Variants in PTCSC3 observed in about 807,000 individuals in gnomAD.
PTCSC3 encodes papillary thyroid carcinoma susceptibility candidate 3.
intron 3 of PTCSC3, among the ~76,000 whole-genome samples, chr14:36,148,745 A>G (rs1302114907): frequency 1.3e-5 from 2 of 152,112 alleles, no homozygotes; most frequent in Non-Finnish European, 2.9e-5. Context: ...TTCTCCTTGT[A>G]TGAGTTTTTA....
intron 2 of PTCSC3, among the ~76,000 whole-genome samples, chr14:36,156,755 A>G (rs1881837137): frequency 6.6e-6 from 1 of 151,950 alleles, no homozygotes; most frequent in African/African-American, 2.4e-5. Flanking sequence ...ATCCCTTTTT[A>G]TGGCTGCATA....
At chr14:36,149,708 A>C (rs1026517392) in intron 3 of PTCSC3, among the ~76,000 whole-genome samples, 1 of 151,740 alleles carries the variant, frequency 6.6e-6, no homozygotes, top group Non-Finnish European at 1.5e-5. Context: ...AATATATAAC[A>C]CTCTTCTTTA....
intron 1 of PTCSC3, among the ~76,000 whole-genome samples, chr14:36,175,126 A>G (rs1882260264): frequency 1.3e-5 from 2 of 152,002 alleles, no homozygotes; most frequent in Non-Finnish European, 2.9e-5. Flanking sequence ...CATAGTTTCT[A>G]CTTGCTTCAG....
chr14:36,166,801 A>C (rs1218645231), intron 1 of PTCSC3, among the ~76,000 whole-genome samples: 1 of 152,172 alleles, frequency 6.6e-6, no homozygotes, highest in East Asian at 1.9e-4. Flanking sequence ...TTTCTTTCTA[A>C]ATTTTTGCTC....
chr14:36,139,090 G>A (rs1414876874), intron 3 of PTCSC3, among the ~76,000 whole-genome samples: 3 of 147,624 alleles, frequency 2.0e-5, no homozygotes, highest in Non-Finnish European at 3.0e-5. Context: ...CTGCAGCCTG[G>A]GCGACAGAGC....
intron 1 of PTCSC3, among the ~76,000 whole-genome samples, chr14:36,169,683 C>T (rs373977615): frequency 1.8e-4 from 27 of 152,058 alleles, no homozygotes; most frequent in African/African-American, 6.5e-4. Flanking sequence ...CTTTGTCCTC[C>T]CAGTTTCTGT....
At chr14:36,171,853 CA>C (rs951522304) in intron 1 of PTCSC3, among the ~76,000 whole-genome samples, 5 of 152,088 alleles carry the variant, frequency 3.3e-5, no homozygotes, top group African/African-American at 4.8e-5. Flanking sequence ...CATAGATGAC[CA>C]TACCCAGGGA....
chr14:36,143,836 T>C (rs1453008635), intron 3 of PTCSC3, among the ~76,000 whole-genome samples: 1 of 146,284 alleles, frequency 6.8e-6, no homozygotes, highest in African/African-American at 2.5e-5. Context: ...GATTTTTGTA[T>C]AAGGTGTAAG....
Position 36,152,269 on chromosome 14 carries a change from T to TA in PTCSC3, n.322+1534dup, listed in dbSNP as rs952905793. 2.1e-3 allele frequency among the ~76,000 whole-genome samples: 312 copies of TA among 148,478 alleles called. 1 individual carries two copies. Among genetic ancestry groups the TA allele is most frequent in the African/African-American group, 6.6e-3 (269 of 40,534 alleles). On this transcript the variant is annotated intron_variant and non_coding_transcript_variant, in intron 3 of 3. Coordinates refer to ENST00000556013, the Ensembl canonical transcript of PTCSC3. ...ATGAATAAATTGGACTTTATTAAAA[T>TA]AAAAAAAAAACTTTTTTTCATCAAA... is the stretch of plus-strand genomic sequence containing the variant.
chr14:36,156,404 C>A (rs1229600320), intron 2 of PTCSC3, among the ~76,000 whole-genome samples: 2 of 152,158 alleles, frequency 1.3e-5, no homozygotes, highest in Non-Finnish European at 2.9e-5. Context: ...AGAATAAAAT[C>A]TGTTGACATT....
At chr14:36,147,111 C>T (rs891336162) in intron 3 of PTCSC3, among the ~76,000 whole-genome samples, 12 of 152,182 alleles carry the variant, frequency 7.9e-5, no homozygotes, top group African/African-American at 2.2e-4. Flanking sequence ...TCCTTCATTT[C>T]GACTTTGGTG....
chr14:36,136,499 T>C (rs1029737177), intron 3 of PTCSC3: 3 of 152,184 alleles, frequency 2.0e-5, no homozygotes, highest in African/African-American at 4.8e-5. Flanking sequence ...AAGATATGAT[T>C]ATGAGGAGGC....
intron 3 of PTCSC3, among the ~76,000 whole-genome samples, chr14:36,138,373 C>T (rs1413890819): frequency 6.6e-6 from 1 of 152,224 alleles, no homozygotes; most frequent in Non-Finnish European, 1.5e-5. Context: ...AAAACTTCTA[C>T]TCTTCAAATA....
chr14:36,142,564 C>G (rs1044743456), intron 3 of PTCSC3, among the ~76,000 whole-genome samples: 15 of 151,962 alleles, frequency 9.9e-5, no homozygotes. Flanking sequence ...GTTATCATTT[C>G]TTTCTTAAAT....
intron 3 of PTCSC3, among the ~76,000 whole-genome samples, chr14:36,141,204 A>G (rs1488826160): frequency 2.0e-5 from 3 of 152,072 alleles, no homozygotes; most frequent in South Asian, 2.1e-4. Flanking sequence ...TTGATATTGT[A>G]TTGGCTCTTC....
chr14:36,157,955 C>G (rs960406755), intron 2 of PTCSC3, among the ~76,000 whole-genome samples: 1 of 152,176 alleles, frequency 6.6e-6, no homozygotes, highest in African/African-American at 2.4e-5. Flanking sequence ...TGTAGTTCTC[C>G]TTGAAGAGGT....
chr14:36,148,322 A>G (rs560356643), intron 3 of PTCSC3, among the ~76,000 whole-genome samples: 97 of 152,064 alleles, frequency 6.4e-4, no homozygotes, highest in African/African-American at 2.3e-3. Context: ...GAGACTCCAT[A>G]GGCATAGGAC....
At chr14:36,134,998 C>A (rs1881253464), downstream of PTCSC3, among the ~76,000 whole-genome samples, 1 of 152,074 alleles carries the variant, frequency 6.6e-6, no homozygotes, top group Admixed American at 6.5e-5. Flanking sequence ...TTAAAGTAAC[C>A]CAATTTTGGC....
At chr14:36,160,422 G>T (rs1881930416) in intron 2 of PTCSC3, among the ~76,000 whole-genome samples, 1 of 152,156 alleles carries the variant, frequency 6.6e-6, no homozygotes, top group Non-Finnish European at 1.5e-5. Flanking sequence ...GGCAGACCTG[G>T]TGGTGACAAA....
Sources: gnomAD v4.1 joint callset for allele counts (sites outside exome capture counted in the v4.1 genomes callset) on GRCh38, gnomAD v4.1.1 for gene constraint, MANE v1.5 for transcripts, NCBI Gene and HGNC (gene_info 2026-07-23, HGNC 2026-07-21) for gene names.